DNAH17: variants seen among roughly 807,000 people sequenced by gnomAD.
DNAH17 encodes dynein axonemal heavy chain 17.
DNAH17 carries 376 observed loss-of-function variants against 485.6 expected under a neutral mutation model. That is an observed-to-expected ratio of 0.77 (90% confidence interval 0.71 to 0.84). The LOEUF (loss-of-function observed/expected upper bound fraction) is 0.84, where lower values mean the gene tolerates loss of function less well. Among genes scored for constraint, DNAH17 ranks in the 40% least tolerant of loss-of-function variants. The probability of loss-of-function intolerance (pLI) is 0.00; values close to 1 mark genes in which losing one functional copy is unlikely to be tolerated. For missense variants in DNAH17, 6,370 were observed against 5,839.3 expected, an observed-to-expected ratio of 1.09 and a Z score of -2.96; for synonymous variants, 3,031 against 2,405.9, an observed-to-expected ratio of 1.26 and a Z score of -7.60.
intron 67 of DNAH17, 122 bp downstream of exon 67, chr17:78,450,560 C>T: frequency 7.0e-7 from 1 of 1,422,126 alleles, no homozygotes; most frequent in South Asian, 1.3e-5. Flanking sequence ...TGCCCTGGGC[C>T]CACTCGGGCA....
intron 71 of DNAH17, among the ~76,000 whole-genome samples, chr17:78,443,541 AATTCTTTTT>A (rs2087153771): frequency 1.6e-5 from 1 of 63,586 alleles, no homozygotes; most frequent in Non-Finnish European, 3.3e-5. Flanking sequence ...GTCAGAAGGG[AATTCTTTTT>A]ATTTTTATTT....
At chr17:78,553,275 GTTTTTGTGTTTTTTTTTTTTTTTTTT>G (rs2091943453) in intron 14 of DNAH17, among the ~76,000 whole-genome samples, 2 of 98,404 alleles carry the variant, frequency 2.0e-5, no homozygotes, top group Admixed American at 2.3e-4. Context: ...CCAGTCCCAG[GTTTTTGTGTTTTTTTTTTTTTTTTTT>G]TTTTTTTTTT....
intron 66 of DNAH17, among the ~76,000 whole-genome samples, chr17:78,451,249 G>T (rs1162743029): frequency 1.3e-5 from 2 of 152,360 alleles, no homozygotes; most frequent in South Asian, 4.1e-4. Context: ...ATGTGACTTA[G>T]AATTAAATTT....
intron 56 of DNAH17, among the ~76,000 whole-genome samples, chr17:78,463,300 GCTT>G (rs1300791220): frequency 1.3e-5 from 2 of 152,196 alleles, no homozygotes; most frequent in Admixed American, 6.5e-5. Flanking sequence ...ACACAGCAGA[GCTT>G]ATTATCATTA....
chr17:78,509,329 A>C (rs1303523596), intron 27 of DNAH17, among the ~76,000 whole-genome samples: 4 of 151,936 alleles, frequency 2.6e-5, no homozygotes, highest in African/African-American at 9.7e-5. Context: ...TATGTTGCCC[A>C]GGCTGGCCTT....
At chr17:78,427,620 G>T (rs2086521873) in intron 77 of DNAH17, among the ~76,000 whole-genome samples, 1 of 152,208 alleles carries the variant, frequency 6.6e-6, no homozygotes, top group Non-Finnish European at 1.5e-5. Context: ...CAAGAATTCA[G>T]TCTTTACCGG....
chr17:78,426,832 G>C, intron 78 of DNAH17, 94 bp downstream of exon 78: 2 of 1,446,640 alleles, frequency 1.4e-6, no homozygotes, highest in East Asian at 2.5e-5. Flanking sequence ...ATGCTGATCC[G>C]GGGCCTGTGC....
intron 75 of DNAH17, among the ~76,000 whole-genome samples, chr17:78,429,733 ACAAGTGGTTTGATTCTGTGTGGCT>A (rs1480481293): frequency 6.6e-6 from 1 of 152,020 alleles, no homozygotes; most frequent in African/African-American, 2.4e-5. Context: ...CAATTTCAAC[ACAAGTGGTTTGATTCTGTGTGGCT>A]CAAGGATTGA....
At chr17:78,456,720 T>G (rs2087819618) in intron 62 of DNAH17, among the ~76,000 whole-genome samples, 1 of 152,214 alleles carries the variant, frequency 6.6e-6, no homozygotes, top group Non-Finnish European at 1.5e-5. Context: ...ACTGAGGGTC[T>G]GTCTGTGGCA....
intron 48 of DNAH17, among the ~76,000 whole-genome samples, chr17:78,480,994 G>C (rs374998184): frequency 6.6e-6 from 1 of 151,682 alleles, no homozygotes; most frequent in Non-Finnish European, 1.5e-5. Flanking sequence ...ACGGGGTTTC[G>C]CCGTGTTAGC....
At chr17:78,505,706 T>C (rs1056412328) in intron 30 of DNAH17, among the ~76,000 whole-genome samples, 2 of 152,186 alleles carry the variant, frequency 1.3e-5, no homozygotes, top group African/African-American at 4.8e-5. Flanking sequence ...TGGTGGGGCA[T>C]GGTGGCTCAC....
In DNAH17 at chr17:78,533,727, C is replaced by G. The variant is rs141032504; in HGVS notation, c.2860-991G>C. On this transcript the variant is annotated intron_variant, in intron 19 of 80. Coordinates refer to ENST00000389840, the MANE Select transcript of DNAH17 (RefSeq NM_173628.4). ...TGAGACAGAGTTTCGGTCTGTCACC[C>G]AGGCCGGAGTGCAGTGGCCCGATCT... 4.2e-3 allele frequency among the ~76,000 whole-genome samples: 646 copies of G among 152,294 alleles called. 5 individuals are homozygous for G. The highest frequency in any genetic ancestry group is 0.015 in the African/African-American group (621 of 41,564).
In DNAH17 at chr17:78,485,716, G is replaced by C; in HGVS notation, c.7317C>G (p.Tyr2439Ter). Residue 2439 changes from tyrosine (Y) to a stop codon, truncating the protein, a stop_gained, in exon 47 of 81, where the codon TAC becomes TAG. Coordinates refer to ENST00000389840, the MANE Select transcript of DNAH17 (RefSeq NM_173628.4). LOFTEE classifies it high-confidence loss of function. ...VHTTETIRIR[Y>*]FMDLLMEKSW... ...ACTTCTCCATGAGCAGGTCCATGAA[G>C]TAGCGGATGCGGATGGTTTCCGTGG... The C allele has an allele frequency of 3.7e-6, 6 of 1,614,042 alleles. No individual in the cohort carries two copies. Among genetic ancestry groups the C allele is most frequent in the Non-Finnish European group, 5.1e-6 (6 of 1,179,892 alleles).
chr17:78,457,640 C>T (rs79423778), intron 62 of DNAH17, among the ~76,000 whole-genome samples: 6,389 of 146,310 alleles, frequency 0.044, 146 homozygotes, highest in Middle Eastern at 0.12. Context: ...ACTACAGGTG[C>T]GCACAGCCGT....
rs1030828026 is a variant in DNAH17, at chr17:78,561,878, T to C, written c.1672A>G (p.Asn558Asp). Reference sequence around the variant, plus strand: ...TGGGCATCGTACAAGATCTTAGCATTGTCTAGCTCAGCGTCAAACAGCTCC... The same window carrying C: ...TGGGCATCGTACAAGATCTTAGCATCGTCTAGCTCAGCGTCAAACAGCTCC... Reference protein sequence around the residue: ...MLELFDAELDNAKILYDAQMA... With the variant: ...MLELFDAELDDAKILYDAQMA... The change falls in exon 12 of 81, where the codon AAT becomes GAT. Residue 558 changes from asparagine to aspartate, a missense_variant. Physicochemically the swap from Asn to Asp is conservative, Grantham distance 23. Transcript: ENST00000389840. 3.1e-6 allele frequency: 5 copies of C among 1,613,794 alleles called. No homozygotes were observed. The highest frequency in any genetic ancestry group is 2.7e-5 in the African/African-American group (2 of 74,934).
Position 78,526,701 on chromosome 17 carries a change from C to T in DNAH17, c.3661G>A (p.Glu1221Lys), listed in dbSNP as rs753583231. 9.9e-6 allele frequency: 16 copies of T among 1,610,958 alleles called. No homozygotes were observed. The highest frequency in any genetic ancestry group is 1.7e-5 in the Admixed American group (1 of 59,796). The change falls in exon 24 of 81, where the codon GAG (glutamate) becomes AAG (lysine). Residue 1221 changes from glutamate (E) to lysine (K), a missense_variant. Glu to Lys is a moderately conservative substitution (Grantham distance 56). Transcript: ENST00000389840. ...QHEFRERFRR[E>K]APFSFSDPNP... is the part of the protein sequence containing the mutation. ...GGGTCGCTGAAGGAGAACGGGGCCT[C>T]GCGCCTGAACCTCTCCCTGAACTCA...
chr17:78,462,459 G>A (rs940680222), intron 57 of DNAH17, among the ~76,000 whole-genome samples: 2 of 152,092 alleles, frequency 1.3e-5, no homozygotes, highest in Non-Finnish European at 2.9e-5. Context: ...AGATCCATAC[G>A]GTGTGGAGGA....
intron 25 of DNAH17, among the ~76,000 whole-genome samples, chr17:78,523,238 C>T (rs898512343): frequency 3.9e-5 from 6 of 152,210 alleles, no homozygotes; most frequent in African/African-American, 1.4e-4. Context: ...TCACTGCAAC[C>T]TCCGCCTCCC....
At chr17:78,471,023 G>A (rs189804601) in intron 54 of DNAH17, among the ~76,000 whole-genome samples, 1 of 152,292 alleles carries the variant, frequency 6.6e-6, no homozygotes, top group African/African-American at 2.4e-5. Flanking sequence ...ATGCCTGCCA[G>A]TTTCATCCAA....
Sources: gnomAD v4.1 joint callset for allele counts (sites outside exome capture counted in the v4.1 genomes callset) on GRCh38, gnomAD v4.1.1 for gene constraint, MANE v1.5 for transcripts, NCBI Gene and HGNC (gene_info 2026-07-23, HGNC 2026-07-21) for gene names.